The following ERO1B variants were observed in gnomAD, a reference collection of about 807,000 sequenced individuals.
The protein encoded by ERO1B is ERO1-like protein beta.
In ERO1B, 49 loss-of-function variants were observed where a neutral mutation model predicts 75.3. The observed-to-expected ratio is 0.65, with a 90% CI of 0.52 to 0.83. The LOEUF (loss-of-function observed/expected upper bound fraction) is 0.83. Among genes scored for constraint, ERO1B ranks in the 40% least tolerant of loss-of-function variants. The probability of loss-of-function intolerance (pLI) is 0.00; values close to 1 mark genes in which losing one functional copy is unlikely to be tolerated. For synonymous variants in ERO1B, 191 were observed against 192.9 expected, an observed-to-expected ratio of 0.99 and a Z score of 0.08; for missense variants, 512 against 560.1, an observed-to-expected ratio of 0.91 and a Z score of 0.87.
chr1:236,270,103 C>G, intron 1 of ERO1B, 109 bp from the exon 2 acceptor site: 2 of 776,682 alleles, frequency 2.6e-6, no homozygotes, highest in Non-Finnish European at 4.0e-6. Context: ...CCGGTACTTG[C>G]TGATTAAGAT....
intron 2 of ERO1B, among the ~76,000 whole-genome samples, 195 bp from the exon 3 acceptor site, chr1:236,253,700 A>T (rs1665094887): frequency 6.6e-6 from 1 of 152,224 alleles, no homozygotes; most frequent in African/African-American, 2.4e-5. Flanking sequence ...ACTGGGTGAC[A>T]GAGAAAGCAT....
At chr1:236,252,503 T>C (rs892246206) in intron 3 of ERO1B, among the ~76,000 whole-genome samples, 2 of 152,200 alleles carry the variant, frequency 1.3e-5, no homozygotes, top group South Asian at 4.1e-4. Flanking sequence ...TCTAACAAAG[T>C]GTAGGCAATT....
chr1:236,270,477 T>C (rs1665565774), intron 1 of ERO1B, among the ~76,000 whole-genome samples: 1 of 152,268 alleles, frequency 6.6e-6, no homozygotes, highest in African/African-American at 2.4e-5. Context: ...AATCTTCATA[T>C]TACATATAAG....
chr1:236,267,380 A>C (rs187289862), intron 2 of ERO1B, among the ~76,000 whole-genome samples: 2 of 152,362 alleles, frequency 1.3e-5, no homozygotes, highest in East Asian at 3.9e-4. Context: ...CATTTGAAAA[A>C]TGTGACTAAT....
At chr1:236,271,982 A>G (rs1257957098) in intron 1 of ERO1B, among the ~76,000 whole-genome samples, 1 of 152,192 alleles carries the variant, frequency 6.6e-6, no homozygotes, top group African/African-American at 2.4e-5. Context: ...AAGACTACTG[A>G]GACAGAAACC....
chr1:236,241,985 G>A (rs189508157), intron 6 of ERO1B, among the ~76,000 whole-genome samples: 12 of 151,394 alleles, frequency 7.9e-5, no homozygotes, highest in Admixed American at 2.0e-4. Context: ...GGAGAATGGC[G>A]TGAACCTGGG....
In ERO1B at chr1:236,281,880, C is replaced by G. The variant is rs1665845513; in HGVS notation, c.-97G>C. ...ACCCAAGGGGACGGTTCCCAGCGGC[C>G]GAGCGACTCCAGGGTCAGAGGTCTG... On this transcript the variant is annotated 5_prime_UTR_variant, in exon 1 of 16. Transcript: ENST00000354619. 2.3e-6 allele frequency: 2 copies of G among 865,120 alleles called. No homozygotes were observed. The highest frequency in any genetic ancestry group is 3.5e-5 in the African/African-American group (2 of 57,334). 53.6% of individuals were successfully genotyped at this position (865,120 alleles called of 1,614,324 possible).
intron 6 of ERO1B, among the ~76,000 whole-genome samples, chr1:236,239,066 G>A (rs1664616031): frequency 6.6e-6 from 1 of 151,990 alleles, no homozygotes; most frequent in Non-Finnish European, 1.5e-5. Flanking sequence ...GACTCCAGGT[G>A]CTCACCACGA....
intron 15 of ERO1B, 40 bp downstream of exon 15, chr1:236,220,792 A>C (rs1664119500): frequency 6.7e-7 from 1 of 1,501,746 alleles, no homozygotes; most frequent in South Asian, 1.5e-5. Flanking sequence ...GTTGAAACCC[A>C]ATGGGAAATC....
chr1:236,256,313 G>A (rs927871299), intron 2 of ERO1B, among the ~76,000 whole-genome samples: 7 of 151,988 alleles, frequency 4.6e-5, no homozygotes, highest in Non-Finnish European at 8.8e-5. Flanking sequence ...CTTGCTTCAG[G>A]GAACTCCAGA....
intron 5 of ERO1B, among the ~76,000 whole-genome samples, chr1:236,247,198 C>T (rs935671596): frequency 6.6e-6 from 1 of 152,102 alleles, no homozygotes; most frequent in Non-Finnish European, 1.5e-5. Context: ...ACATCCAGAC[C>T]TCTCCCCTAT....
chr1:236,221,957 T>G lies in ERO1B; in HGVS notation c.1176A>C (p.Gly392=), dbSNP rs141266103. ...TTCCCCATAATCTGCATTTGTCACA[T>G]CCAACACAGTCCATTATACGGGAGA... The part of the protein sequence containing the change: ...KNISRIMDCV[G]CDKCRLWGKL... The change falls in exon 14 of 16, where the codon GGA becomes GGC. Residue 392 remains glycine, a synonymous_variant. Coordinates refer to ENST00000354619, the MANE Select transcript of ERO1B (RefSeq NM_019891.4). 1,582 of 1,613,688 alleles carry G rather than the reference T, an allele frequency of 9.8e-4. 2 individuals carry two copies. The highest frequency in any genetic ancestry group is 1.1e-3 in the Non-Finnish European group (1,340 of 1,179,720).
intron 6 of ERO1B, among the ~76,000 whole-genome samples, chr1:236,237,296 T>C (rs1664569327): frequency 2.6e-5 from 4 of 152,002 alleles, no homozygotes; most frequent in South Asian, 4.2e-4. Flanking sequence ...TTTGTATTTT[T>C]AGTAAAGACG....
At chr1:236,274,047 A>G (rs961578456) in intron 1 of ERO1B, among the ~76,000 whole-genome samples, 2 of 145,308 alleles carry the variant, frequency 1.4e-5, no homozygotes, top group Non-Finnish European at 3.0e-5. Flanking sequence ...GCAGGATCAC[A>G]GTCTTGGCTC....
chr1:236,217,198 T>A lies in ERO1B; in HGVS notation c.*1318A>T, dbSNP rs1367492897. ...ACTTATTCTTTAATTCAGAAAAGAC[T>A]AAAGAGTCTAAGGAAAAACTCTAGA... On this transcript the variant is annotated 3_prime_UTR_variant, in exon 16 of 16. Coordinates refer to ENST00000354619, the MANE Select transcript of ERO1B (RefSeq NM_019891.4). The A allele has an allele frequency of 2.0e-5, 3 of 152,104 alleles. No homozygotes were observed. Among genetic ancestry groups the A allele is most frequent in the Admixed American group, 1.3e-4 (2 of 15,256 alleles). The allele number at this position is 152,104 out of a possible 1,614,324, so 9.4% of individuals were successfully genotyped here.
Position 236,252,096 on chromosome 1 carries a change from A to G in ERO1B, c.307-5T>C. 1 of 1,592,210 alleles carries G rather than the reference A, an allele frequency of 6.3e-7. No individual in the cohort carries two copies. Among genetic ancestry groups the G allele is most frequent in the Non-Finnish European group, 8.6e-7 (1 of 1,166,036 alleles). ...TATTCCAACCGGAATTTTACTCTTAAAAAAACAAGAAAAGCAAAAAAATTT... is the reference window on the plus strand; with the variant it reads ...TATTCCAACCGGAATTTTACTCTTAGAAAAACAAGAAAAGCAAAAAAATTT... On this transcript the variant is annotated splice_region_variant and splice_polypyrimidine_tract_variant and intron_variant, in intron 3 of 15. Transcript: ENST00000354619.
intron 8 of ERO1B, among the ~76,000 whole-genome samples, chr1:236,233,948 T>C (rs1011685244): frequency 3.3e-5 from 5 of 152,296 alleles, no homozygotes; most frequent in South Asian, 2.1e-4. Context: ...CTTTATTATG[T>C]AGGTTCTGAA....
chr1:236,251,627 A>G (rs1726662), intron 4 of ERO1B, among the ~76,000 whole-genome samples: 48,110 of 151,870 alleles, frequency 0.32, 8,253 homozygotes, highest in East Asian at 0.78. Context: ...ACTCTCATAA[A>G]AGGACAAGAA....
chr1:236,245,740 C>CAG (rs1664869014), intron 5 of ERO1B, among the ~76,000 whole-genome samples: 1 of 146,466 alleles, frequency 6.8e-6, no homozygotes, highest in Admixed American at 6.9e-5. Flanking sequence ...CGTCTGCCAC[C>CAG]ACGCCTGGCT....
Sources: gnomAD v4.1 joint callset for allele counts (sites outside exome capture counted in the v4.1 genomes callset) on GRCh38, gnomAD v4.1.1 for gene constraint, MANE v1.5 for transcripts, NCBI Gene and HGNC (gene_info 2026-07-23, HGNC 2026-07-21) for gene names.